The following DNMT3L variants were observed in gnomAD, a reference collection of about 807,000 sequenced individuals.
DNMT3L encodes the protein DNA (cytosine-5)-methyltransferase 3-like.
Under a neutral mutation model 36.2 loss-of-function variants are expected in DNMT3L, and 33 were observed. That is an observed-to-expected ratio of 0.91 (90% CI 0.69 to 1.22). The LOEUF (loss-of-function observed/expected upper bound fraction) is 1.22, where lower values mean the gene tolerates loss of function less well. Among genes scored for constraint, DNMT3L ranks in the 50% most tolerant of loss-of-function variants. The pLI is 0.00. For synonymous variants in DNMT3L, 117 were observed against 121.7 expected (o/e 0.96, Z 0.26); for missense variants, 310 against 303.1 (o/e 1.02, Z -0.17).
chr21:44,254,353 G>T (rs1401359316), intron 8 of DNMT3L, among the ~76,000 whole-genome samples: 1 of 152,198 alleles, frequency 6.6e-6, no homozygotes, highest in Non-Finnish European at 1.5e-5. Flanking sequence ...CTGGGCTCTG[G>T]GCTCTGGGCA....
chr21:44,254,953 G>A (rs183269038), intron 7 of DNMT3L, among the ~76,000 whole-genome samples: 90 of 152,270 alleles, frequency 5.9e-4, no homozygotes, highest in African/African-American at 2.0e-3. Flanking sequence ...AACCTCCCGA[G>A]TAGCTGGGAC....
intron 7 of DNMT3L, among the ~76,000 whole-genome samples, chr21:44,255,805 C>T (rs1418679317): frequency 6.6e-6 from 1 of 152,248 alleles, no homozygotes; most frequent in East Asian, 1.9e-4. Context: ...TAGTGGGTGT[C>T]CCAGCGGGAC....
intron 8 of DNMT3L, among the ~76,000 whole-genome samples, chr21:44,254,333 G>T (rs2040240623): frequency 6.6e-6 from 1 of 152,196 alleles, no homozygotes; most frequent in African/African-American, 2.4e-5. Flanking sequence ...CAACTGCCCT[G>T]CTCTGAGCTC....
chr21:44,260,868 T>G, intron 2 of DNMT3L, 29 bp from the exon 3 acceptor site: 6 of 1,612,812 alleles, frequency 3.7e-6, no homozygotes, highest in Non-Finnish European at 5.1e-6. Flanking sequence ...AGTAGCCCCT[T>G]TCTTCTTCCT....
intron 7 of DNMT3L, among the ~76,000 whole-genome samples, chr21:44,255,446 G>A (rs1283171250): frequency 1.3e-5 from 2 of 151,766 alleles, no homozygotes; most frequent in Admixed American, 6.6e-5. Flanking sequence ...GGTTGAACCC[G>A]GGGGGCAGAG....
chr21:44,261,315 C>T (rs2040317124), intron 1 of DNMT3L, 49 bp from the exon 2 acceptor site: 2 of 1,565,426 alleles, frequency 1.3e-6, no homozygotes, highest in Non-Finnish European at 1.7e-6. Context: ...TCAGCCCCTG[C>T]TCAGATCCCT....
At position 44,261,182 on chromosome 21, in the gene DNMT3L, TGA is replaced by T. The variant is rs1473092366; in HGVS notation, c.76_77del (p.Ser26LysfsTer15). On this transcript the variant is annotated frameshift_variant, in exon 2 of 12. Coordinates refer to ENST00000628202, the MANE Select transcript of DNMT3L (RefSeq NM_175867.3). LOFTEE classifies it high-confidence loss of function. The stretch of plus-strand genomic sequence containing the variant: ...TGCCTGTCCCGGGTGAAACGGAGCT[TGA>T]GAGCTCACTGGATCCCACCAAAATC... ...DVILVGSSELSSSVSPGTGRD... is the reference protein window; with the variant it reads ...DVILVGSSELXSSVSPGTGRD... 3 of 1,612,508 alleles carry T rather than the reference TGA, an allele frequency of 1.9e-6. No individual in the cohort carries two copies. Among genetic ancestry groups the T allele is most frequent in the Admixed American group, 1.7e-5 (1 of 59,990 alleles).
chr21:44,260,048 C>CAAAAAAAA lies in DNMT3L; in HGVS notation c.152-345_152-338dup, dbSNP rs765722839. Among the ~76,000 whole-genome samples the CAAAAAAAA allele has an allele frequency of 2.2e-4, 14 of 63,472 alleles. 1 individual carries two copies. Among genetic ancestry groups the CAAAAAAAA allele is most frequent in the African/African-American group, 8.0e-4 (14 of 17,526 alleles). 41.6% of individuals were successfully genotyped at this position (63,472 alleles called of 152,430 possible). A position where few individuals can be genotyped will look rare whatever the true frequency, so the allele number is the denominator to read the frequency against. On this transcript the variant is annotated intron_variant, in intron 3 of 11. Transcript: ENST00000628202. ...TGGGGGACAGAGTGAGAGTGTGTCT[C>CAAAAAAAA]AAAAAAAAAAAAAAAAAAAAAAAGA...
chr21:44,255,523 C>T (rs1289465008), intron 7 of DNMT3L, among the ~76,000 whole-genome samples: 2 of 139,944 alleles, frequency 1.4e-5, no homozygotes, highest in Non-Finnish European at 3.1e-5. Flanking sequence ...AAAAGGATGT[C>T]AAGGACTGTA....
At position 44,258,765 on chromosome 21, in the gene DNMT3L, C is replaced by T; in HGVS notation, c.345-71G>A. 1 of 1,541,204 alleles carries T rather than the reference C, an allele frequency of 6.5e-7. No individual in the cohort carries two copies. The highest frequency in any genetic ancestry group is 8.8e-7 in the Non-Finnish European group (1 of 1,140,876). On this transcript the variant is annotated intron_variant, in intron 5 of 11. Transcript: ENST00000628202. The surrounding 1 kb of genome is among the most constrained non-coding windows in gnomAD (Gnocchi z 6.2). Reference sequence around the variant, plus strand: ...TCTCCTGAGGATGGCAGAGGTGGGCCTGATTGAGCCTTGTTTTGGAGGGAA... The same window carrying T: ...TCTCCTGAGGATGGCAGAGGTGGGCTTGATTGAGCCTTGTTTTGGAGGGAA...
At position 44,257,695 on chromosome 21, in the gene DNMT3L, A is replaced by T. The variant is rs1332472491; in HGVS notation, c.516+828T>A. 1.3e-3 allele frequency among the ~76,000 whole-genome samples: 115 copies of T among 87,528 alleles called. 2 individuals are homozygous for T. The highest frequency in any genetic ancestry group is 1.6e-3 in the South Asian group (5 of 3,176). The allele number at this position is 87,528 out of a possible 152,430, so 57.4% of individuals were successfully genotyped here. On this transcript the variant is annotated intron_variant, in intron 6 of 11. Coordinates refer to ENST00000628202, the MANE Select transcript of DNMT3L (RefSeq NM_175867.3). ...GACTCCGTCTCAAAAAAAAAAAAAAAATAAATAAATAAATAAATAAATAAA... is the reference window on the plus strand; with the variant it reads ...GACTCCGTCTCAAAAAAAAAAAAAATATAAATAAATAAATAAATAAATAAA...
chr21:44,254,533 C>G, intron 8 of DNMT3L, 84 bp downstream of exon 8: 2 of 1,495,636 alleles, frequency 1.3e-6, no homozygotes, highest in Non-Finnish European at 1.8e-6. Flanking sequence ...CGCCTCCTTG[C>G]CCGCCTCATC....
At position 44,260,829 on chromosome 21, in the gene DNMT3L, T is replaced by C; in HGVS notation, c.117A>G (p.Ala39=). 1.2e-6 allele frequency: 2 copies of C among 1,613,168 alleles called. No individual in the cohort carries two copies. The highest frequency in any genetic ancestry group is 8.5e-7 in the Non-Finnish European group (1 of 1,179,898). ...TTCGCTGGTTAGCCTTGACTTCATA[T>C]GCAATAAGATCTGGAAAGGAAGATA... ...VSPGTGRDLI[A]YEVKANQRNI... Residue 39 remains alanine (A), a synonymous_variant, in exon 3 of 12, where the codon GCA becomes GCG. Coordinates refer to ENST00000628202, the MANE Select transcript of DNMT3L (RefSeq NM_175867.3).
chr21:44,254,591 G>A (rs373694881), intron 8 of DNMT3L, 26 bp downstream of exon 8: 12 of 1,612,202 alleles, frequency 7.4e-6, no homozygotes, highest in African/African-American at 4.0e-5. Flanking sequence ...CCACTACAGT[G>A]TCTGAGAGTT....
At position 44,261,197 on chromosome 21, in the gene DNMT3L, T is replaced by A; in HGVS notation, c.63A>T (p.Gly21=). 3 of 1,612,662 alleles carry A rather than the reference T, an allele frequency of 1.9e-6. No individual in the cohort carries two copies. Among genetic ancestry groups the A allele is most frequent in the Non-Finnish European group, 2.5e-6 (3 of 1,179,896 alleles). The change falls in exon 2 of 12, where the codon GGA becomes GGT. Residue 21 remains glycine (G), a synonymous_variant. Transcript: ENST00000628202. ...AEPSMDVILV[G]SSELSSSVSP... ...AAACGGAGCTTGAGAGCTCACTGGA[T>A]CCCACCAAAATCACGTCCATGCTGG...
intron 6 of DNMT3L, among the ~76,000 whole-genome samples, chr21:44,257,936 T>C (rs1055617653): frequency 1.3e-5 from 2 of 152,160 alleles, no homozygotes; most frequent in Non-Finnish European, 2.9e-5. Context: ...CATGTGACTG[T>C]CTTCTCCGTC....
In DNMT3L at chr21:44,261,169, G is replaced by A; in HGVS notation, c.91C>T (p.Pro31Ser). The A allele has an allele frequency of 6.2e-7, 1 of 1,612,694 alleles. No homozygotes were observed. Among genetic ancestry groups the A allele is most frequent in the Non-Finnish European group, 8.5e-7 (1 of 1,179,906 alleles). The stretch of plus-strand genomic sequence containing the variant: ...GAGCCCTCACCTCTGCCTGTCCCGG[G>A]TGAAACGGAGCTTGAGAGCTCACTG... The part of the protein sequence containing the change: ...GSSELSSSVS[P>S]GTGRDLIAYE... The change falls in exon 2 of 12, where the codon CCC becomes TCC. Residue 31 changes from proline to serine, a missense_variant. Transcript: ENST00000628202.
chr21:44,261,355 T>G, intron 1 of DNMT3L, 89 bp from the exon 2 acceptor site: 3 of 1,294,670 alleles, frequency 2.3e-6, no homozygotes, highest in Non-Finnish European at 3.3e-6. Context: ...AGCAGCTTGC[T>G]GAGCAGACCT....
intron 6 of DNMT3L, 44 bp from the exon 7 acceptor site, chr21:44,256,198 G>C (rs1240036295): frequency 1.3e-6 from 2 of 1,595,734 alleles, no homozygotes; most frequent in African/African-American, 2.7e-5. Flanking sequence ...CCGGCTACTT[G>C]GCTACAGAGC....
Sources: allele counts gnomAD v4.1 joint callset (sites outside exome capture counted in the v4.1 genomes callset), GRCh38; gene constraint gnomAD v4.1.1; non-coding constraint Gnocchi (gnomAD v3.1); transcripts MANE v1.5; gene names NCBI Gene and HGNC (gene_info 2026-07-23, HGNC 2026-07-21).